Variants in TSC1 observed in about 807,000 individuals in gnomAD.
The protein encoded by TSC1 is hamartin.
In TSC1, 20 loss-of-function variants were observed where a neutral mutation model predicts 124.3. The observed-to-expected ratio is 0.16, with a 90% CI of 0.11 to 0.23. TSC1 has a LOEUF of 0.23. Among genes scored for constraint, TSC1 ranks in the 10% least tolerant of loss-of-function variants. TSC1 has a pLI of 1.00. For synonymous variants in TSC1, 493 were observed against 539.1 expected, an observed-to-expected ratio of 0.91 and a Z score of 1.19; for missense variants, 1,124 against 1,448.5, an observed-to-expected ratio of 0.78 and a Z score of 3.64.
Position 132,895,936 on chromosome 9 carries a change from T to G in TSC1, c.*299A>C. ...TGCACAGGTTCAAAGGACGCAACCA[T>G]TTGGGGGGGAAAGGAAGAAAGTAAA... On this transcript the variant is annotated 3_prime_UTR_variant, in exon 23 of 23. Transcript: ENST00000298552. 16 of 439,470 alleles carry G rather than the reference T, an allele frequency of 3.6e-5. No individual in the cohort carries two copies. Among genetic ancestry groups the G allele is most frequent in the East Asian group, 4.0e-5 (1 of 25,090 alleles). The allele number at this position is 439,470 out of a possible 1,614,324, so 27.2% of individuals were successfully genotyped here.
At position 132,928,860 on chromosome 9, in the gene TSC1, C is replaced by T. The variant is rs2132297148; in HGVS notation, c.13G>A (p.Ala5Thr). The T allele has an allele frequency of 6.2e-7, 1 of 1,614,186 alleles. No individual in the cohort carries two copies. Among genetic ancestry groups the T allele is most frequent in the East Asian group, 2.2e-5 (1 of 44,886 alleles). Residue 5 changes from alanine to threonine, a missense_variant, in exon 3 of 23, where the codon GCA (alanine) becomes ACA (threonine). By Grantham distance (58) the Ala-to-Thr change is moderately conservative (BLOSUM62 0). Coordinates refer to ENST00000298552, the MANE Select transcript of TSC1 (RefSeq NM_000368.5). Reference protein sequence around the residue: MAQQANVGELLAMLD... With the variant: MAQQTNVGELLAMLD... ...ATGGCAAGAAGCTCCCCGACATTTG[C>T]TTGTTGGGCCATTCTCTCGCTCGAA...
intron 8 of TSC1, 132 bp from the exon 9 acceptor site, chr9:132,912,589 G>A (rs1027296505): frequency 2.1e-6 from 2 of 959,430 alleles, no homozygotes; most frequent in Non-Finnish European, 3.2e-6. Flanking sequence ...GCCCAAGTCT[G>A]AAACAATTCT....
chr9:132,905,935 G>A lies in TSC1; in HGVS notation c.1643C>T (p.Pro548Leu), dbSNP rs1588310178. ...SSLDKLGPDT[P>L]KQAFTPIDLP... is the part of the protein sequence containing the mutation. ...GTCTATGGGAGTAAAGGCTTGCTTT[G>A]GTGTGTCAGGCCCAAGCTTGTCCAG... Residue 548 changes from proline (P) to leucine (L), a missense_variant, in exon 15 of 23, where the codon CCA becomes CTA. Around this residue, in one of 5 missense-constraint regions of TSC1, gnomAD observed 321 missense variants for 397.4 expected, o/e 0.81. Transcript: ENST00000298552. The A allele has an allele frequency of 4.3e-6, 7 of 1,613,704 alleles. No homozygotes were observed. The highest frequency in any genetic ancestry group is 5.1e-6 in the Non-Finnish European group (6 of 1,179,744).
rs2132237975 is a variant in TSC1 at position 132,925,716 on chromosome 9, T to C, written c.234A>G (p.Glu78=). 1 of 1,614,168 alleles carries C rather than the reference T, an allele frequency of 6.2e-7. No individual in the cohort carries two copies. Among genetic ancestry groups the C allele is most frequent in the Non-Finnish European group, 8.5e-7 (1 of 1,180,036 alleles). Reference sequence around the variant, plus strand: ...AACGAGTGGCGGCTTTGCCCACATATTCGTTAATCCTGTCCAAGAGGTGCT... The same window carrying C: ...AACGAGTGGCGGCTTTGCCCACATACTCGTTAATCCTGTCCAAGAGGTGCT... ...HDKHLLDRIN[E]YVGKAATRLS... The change falls in exon 5 of 23, where the codon GAA becomes GAG. Residue 78 remains glutamate, a synonymous_variant. Coordinates refer to ENST00000298552, the MANE Select transcript of TSC1 (RefSeq NM_000368.5).
At chr9:132,922,037 CT>C in intron 6 of TSC1, 64 bp from the exon 7 acceptor site, 2 of 1,605,524 alleles carry the variant, frequency 1.2e-6, no homozygotes, top group Non-Finnish European at 1.7e-6. Context: ...TGCAAAACAG[CT>C]ATAAACAAGT....
chr9:132,929,095 T>C (rs1368059731), intron 2 of TSC1, 143 bp from the exon 3 acceptor site: 1 of 645,330 alleles, frequency 1.5e-6, no homozygotes, highest in South Asian at 2.0e-5. Context: ...AGTGAGTACA[T>C]TTAGCTGATA....
At position 132,938,251 on chromosome 9, in the gene TSC1, T is replaced by C. The variant is rs553204023; in HGVS notation, c.-143-3156A>G. On this transcript the variant is annotated intron_variant, in intron 1 of 22. Coordinates refer to ENST00000298552, the MANE Select transcript of TSC1 (RefSeq NM_000368.5). ...TCACTCTGGTCAGTAAAGTGAGATG[T>C]GATCTGTGAACCTCCTGAGGGGAAG... 2.0e-5 allele frequency among the ~76,000 whole-genome samples: 3 copies of C among 152,298 alleles called. No homozygotes were observed. The East Asian group carries it at 5.8e-4, about 29-fold the overall frequency.
intron 4 of TSC1, 164 bp from the exon 5 acceptor site, chr9:132,925,903 A>C: frequency 1.1e-6 from 1 of 905,516 alleles, no homozygotes; most frequent in East Asian, 2.6e-5. Context: ...CCACGTTAGC[A>C]AACAAAACAC....
rs1845512349 is a variant in TSC1 at position 132,903,816 on chromosome 9, G to A, written c.2043C>T (p.Gly681=). 1 of 1,613,900 alleles carries A rather than the reference G, an allele frequency of 6.2e-7. No homozygotes were observed. The highest frequency in any genetic ancestry group is 8.5e-7 in the Non-Finnish European group (1 of 1,180,036). Residue 681 remains glycine, a splice_region_variant and synonymous_variant, in exon 17 of 23, where the codon GGC becomes GGT. Coordinates refer to ENST00000298552, the MANE Select transcript of TSC1 (RefSeq NM_000368.5). The surrounding 1 kb of genome is among the most constrained non-coding windows in gnomAD (Gnocchi z 5.9). ...TGCGGATCTCATCTGAAGGAGGAGAGCCTGATTGTAAAGCAGAGGGAGGGT... is the reference window on the plus strand; with the variant it reads ...TGCGGATCTCATCTGAAGGAGGAGAACCTGATTGTAAAGCAGAGGGAGGGT... The part of the protein sequence containing the change: ...SKSVDWTHFG[G]SPPSDEIRTL...
At chr9:132,934,951 A>C in intron 2 of TSC1, 82 bp downstream of exon 2, 1 of 398,726 alleles carries the variant, frequency 2.5e-6, no homozygotes, top group Non-Finnish European at 4.4e-6. Flanking sequence ...AAAACTGTAA[A>C]TGTTAAATCC....
intron 10 of TSC1, 125 bp from the exon 11 acceptor site, chr9:132,911,238 A>G: frequency 1.2e-6 from 1 of 860,602 alleles, no homozygotes; most frequent in East Asian, 2.6e-5. Flanking sequence ...ATCTTATTAA[A>G]AGCGTATCAA....
chr9:132,929,013 AAT>A, intron 2 of TSC1, 61 bp from the exon 3 acceptor site: 1 of 1,443,168 alleles, frequency 6.9e-7, no homozygotes, highest in Non-Finnish European at 9.3e-7. Context: ...AAAAAAAGAA[AAT>A]ACCTGCAAGA....
rs941207647 is a variant in TSC1 at position 132,911,403 on chromosome 9, G to A, written c.1029+50C>T. The A allele has an allele frequency of 3.5e-6, 5 of 1,418,548 alleles. No homozygotes were observed. In the African/African-American group the frequency reaches 7.1e-5, roughly 20 times the overall value. 87.9% of individuals were successfully genotyped at this position (1,418,548 alleles called of 1,614,324 possible). ...ATACTAAATCTGACCCAAAGGGTCAGCTTCACCAGAAAGCAGAGGAGAGAG... is the reference window on the plus strand; with the variant it reads ...ATACTAAATCTGACCCAAAGGGTCAACTTCACCAGAAAGCAGAGGAGAGAG... On this transcript the variant is annotated intron_variant, in intron 10 of 22. Transcript: ENST00000298552.
chr9:132,903,656 C>A lies in TSC1; in HGVS notation c.2203G>T (p.Ala735Ser), dbSNP rs770518730. ...KAAALEEHNA[A>S]MKDQLKLQEK... The stretch of plus-strand genomic sequence containing the variant: ...GTCCCCTCCCCAGTCCTCACCATGG[C>A]AGCATTATGTTCCTCCAGAGCTGCT... The change falls in exon 17 of 23, where the codon GCC becomes TCC. Residue 735 changes from alanine (A) to serine (S), a missense_variant. Physicochemically the swap from Ala to Ser is moderately conservative, Grantham distance 99. Coordinates refer to ENST00000298552, the MANE Select transcript of TSC1 (RefSeq NM_000368.5). This position sits in a 1 kb window ranked among gnomAD's most constrained non-coding sequence, Gnocchi z 5.9. The A allele has an allele frequency of 6.2e-7, 1 of 1,612,304 alleles. No individual in the cohort carries two copies. Among genetic ancestry groups the A allele is most frequent in the South Asian group, 1.1e-5 (1 of 90,994 alleles).
intron 19 of TSC1, among the ~76,000 whole-genome samples, chr9:132,901,140 A>G (rs999446513): frequency 2.0e-5 from 3 of 152,248 alleles, no homozygotes; most frequent in Non-Finnish European, 2.9e-5. Context: ...ACCAAGGCCC[A>G]GTGGCATAAA....
intron 8 of TSC1, among the ~76,000 whole-genome samples, chr9:132,914,068 T>G (rs796242823): frequency 9.2e-5 from 14 of 151,560 alleles, no homozygotes; most frequent in African/African-American, 3.4e-4. Context: ...CCAGCCAATT[T>G]TTTGTATTTT....
chr9:132,925,633 T>C lies in TSC1; in HGVS notation c.317A>G (p.Lys106Arg), dbSNP rs1846812083. 6.2e-7 allele frequency: 1 copy of C among 1,614,226 alleles called. No homozygotes were observed. The highest frequency in any genetic ancestry group is 1.1e-5 in the South Asian group (1 of 91,084). ...VIRLQPSWKH[K>R]LSQAPLLPSL... is the part of the protein sequence containing the mutation. ...AGGCAAAAGAGGTGCTTGAGAGAGC[T>C]TATGCTTCCAAGATGGCTGCAGTCT... Residue 106 changes from lysine (K) to arginine (R), a missense_variant, in exon 5 of 23, where the codon AAG (lysine) becomes AGG (arginine). Lys to Arg is a conservative substitution (Grantham distance 26). Around this residue, in one of 5 missense-constraint regions of TSC1, gnomAD observed 463 missense variants for 606.8 expected, o/e 0.76. Transcript: ENST00000298552.
intron 1 of TSC1, among the ~76,000 whole-genome samples, chr9:132,936,466 T>A (rs1847462664): frequency 6.6e-6 from 1 of 152,220 alleles, no homozygotes; most frequent in African/African-American, 2.4e-5. Flanking sequence ...TCAGGCAGCA[T>A]GACTTAAGTT....
chr9:132,925,822 T>G (rs1213686215), intron 4 of TSC1, 83 bp from the exon 5 acceptor site: 1 of 1,539,160 alleles, frequency 6.5e-7, no homozygotes, highest in Non-Finnish European at 9.0e-7. Flanking sequence ...TGTGCTCCAA[T>G]CTCTCAAGTC....
Sources: allele counts gnomAD v4.1 joint callset (sites outside exome capture counted in the v4.1 genomes callset), GRCh38; gene constraint gnomAD v4.1.1; regional missense constraint gnomAD v4.1.1; non-coding constraint Gnocchi (gnomAD v3.1); transcripts MANE v1.5; gene names NCBI Gene and HGNC (gene_info 2026-07-23, HGNC 2026-07-21).